CERS3: variants seen among roughly 807,000 people sequenced by gnomAD.
CERS3 encodes ceramide synthase 3, also known as LAG1 homolog, ceramide synthase 3.
Under a neutral mutation model 50.3 loss-of-function variants are expected in CERS3, and 33 were observed. The observed-to-expected ratio is 0.66, with a 90% CI of 0.50 to 0.88. CERS3 has a LOEUF of 0.88. CERS3 is among the 40% of genes least tolerant of loss of function. CERS3 has a pLI of 0.00. For missense variants in CERS3, 470 were observed against 460.3 expected (o/e 1.02, Z -0.19); for synonymous variants, 176 against 155.2 (o/e 1.13, Z -0.99).
chr15:100,458,431 T>C (rs897657777), intron 10 of CERS3, among the ~76,000 whole-genome samples: 9 of 151,718 alleles, frequency 5.9e-5, no homozygotes, highest in African/African-American at 2.2e-4. Context: ...CTAAAAAATA[T>C]AAAAATTAGC....
At chr15:100,531,511 G>A (rs528723642), upstream of CERS3, among the ~76,000 whole-genome samples, 57 of 152,050 alleles carry the variant, frequency 3.7e-4, no homozygotes, top group African/African-American at 1.3e-3. Context: ...GCTCCTCTGA[G>A]GAAAATAACC....
intron 11 of CERS3, among the ~76,000 whole-genome samples, chr15:100,451,178 A>G (rs1419154413): frequency 6.6e-6 from 1 of 152,216 alleles, no homozygotes; most frequent in Non-Finnish European, 1.5e-5. Context: ...ACCACTGCAG[A>G]AAACCACCAA....
At chr15:100,516,881 C>G (rs1371278212) in intron 2 of CERS3, among the ~76,000 whole-genome samples, 1 of 152,232 alleles carries the variant, frequency 6.6e-6, no homozygotes, top group Non-Finnish European at 1.5e-5. Flanking sequence ...AGATCTCCCT[C>G]CCAACCTCAG....
chr15:100,443,306 A>G (rs1360133952), intron 11 of CERS3, among the ~76,000 whole-genome samples: 745 of 147,002 alleles, frequency 5.1e-3, no homozygotes, highest in African/African-American at 0.019. Context: ...TGCTTTGAAA[A>G]GACTAAAGCC....
intron 11 of CERS3, among the ~76,000 whole-genome samples, chr15:100,444,726 T>C (rs1172858656): frequency 6.6e-6 from 1 of 152,142 alleles, no homozygotes; most frequent in African/African-American, 2.4e-5. Flanking sequence ...ACTGGCAAAT[T>C]AGCTTTACTC....
chr15:100,460,279 G>A (rs985392152), intron 10 of CERS3, among the ~76,000 whole-genome samples: 2 of 152,082 alleles, frequency 1.3e-5, no homozygotes, highest in Non-Finnish European at 2.9e-5. Flanking sequence ...TAAAATGCGA[G>A]CAGAGAGTAC....
intron 2 of CERS3, among the ~76,000 whole-genome samples, chr15:100,516,649 A>C (rs540091270): frequency 6.6e-6 from 1 of 152,180 alleles, no homozygotes; most frequent in African/African-American, 2.4e-5. Context: ...AAATGGGAGA[A>C]CCTCCTGTGG....
chr15:100,489,537 G>A (rs1434015041), intron 4 of CERS3, among the ~76,000 whole-genome samples: 1 of 152,172 alleles, frequency 6.6e-6, no homozygotes, highest in Non-Finnish European at 1.5e-5. Context: ...TGGTATTATA[G>A]CACTGTTCTT....
chr15:100,489,019 C>T (rs1191455551), intron 4 of CERS3, among the ~76,000 whole-genome samples: 1 of 152,222 alleles, frequency 6.6e-6, no homozygotes, highest in African/African-American at 2.4e-5. Flanking sequence ...TCGTGATCCA[C>T]CCACCTTGGG....
At chr15:100,531,870 C>T (rs932722286), upstream of CERS3, among the ~76,000 whole-genome samples, 2 of 152,148 alleles carry the variant, frequency 1.3e-5, no homozygotes, top group Non-Finnish European at 2.9e-5. Flanking sequence ...AAAAAGTGAA[C>T]GTCGGACCTC....
At chr15:100,407,510 A>G (rs902755041) in intron 11 of CERS3, among the ~76,000 whole-genome samples, 2 of 152,268 alleles carry the variant, frequency 1.3e-5, no homozygotes, top group Admixed American at 1.3e-4. Context: ...ATCCAAGCCT[A>G]GAATCTGACT....
intron 2 of CERS3, chr15:100,503,624 C>G (rs1217367329): frequency 4.3e-6 from 2 of 461,226 alleles, no homozygotes; most frequent in Non-Finnish European, 9.0e-6. Flanking sequence ...TCTAGGCAGA[C>G]ACAGCTCTAC....
intron 10 of CERS3, 102 bp from the exon 11 acceptor site, chr15:100,456,148 C>T (rs1567630609): frequency 9.3e-6 from 7 of 754,002 alleles, no homozygotes; most frequent in South Asian, 4.1e-5. Flanking sequence ...ACATGTATTT[C>T]GTTTCTAATA....
chr15:100,474,602 A>C (rs1424983017), intron 8 of CERS3, among the ~76,000 whole-genome samples: 1 of 152,138 alleles, frequency 6.6e-6, no homozygotes, highest in Admixed American at 6.5e-5. Context: ...ACAGGATTTC[A>C]CCATGTTGGC....
chr15:100,466,853 C>CTCTCTCTCTCTT (rs1555528101), intron 10 of CERS3, among the ~76,000 whole-genome samples: 6 of 104,592 alleles, frequency 5.7e-5, no homozygotes, highest in Non-Finnish European at 1.3e-4. Context: ...CTCTCTTTCT[C>CTCTCTCTCTCTT]TCTTTCTTTC....
chr15:100,536,390 T>C (rs2037075909), intron 1 of CERS3, among the ~76,000 whole-genome samples: 1 of 152,140 alleles, frequency 6.6e-6, no homozygotes, highest in African/African-American at 2.4e-5. Flanking sequence ...GCTCAAGGGA[T>C]CCTCCTACTT....
chr15:100,429,782 T>C (rs74038784), intron 11 of CERS3, among the ~76,000 whole-genome samples: 93 of 152,262 alleles, frequency 6.1e-4, no homozygotes, highest in African/African-American at 2.0e-3. Flanking sequence ...TCCACAGCCA[T>C]CACCCCGTAT....
At position 100,492,019 on chromosome 15, in the gene CERS3, C is replaced by T. The variant is rs556920985; in HGVS notation, c.174-1088G>A. ...GGGATTACAGACATGAGCCACTGTG[C>T]CTGGCTGTTATTGATTTCTAATTTT... On this transcript the variant is annotated intron_variant, in intron 3 of 11. Coordinates refer to ENST00000679737, the MANE Select transcript of CERS3 (RefSeq NM_001378789.1). Among the ~76,000 whole-genome samples, 7 of 152,118 alleles carry T rather than the reference C, an allele frequency of 4.6e-5. No homozygotes were observed. The East Asian group carries it at 9.7e-4, about 21-fold the overall frequency.
intron 7 of CERS3, among the ~76,000 whole-genome samples, chr15:100,478,087 G>A (rs1179104087): frequency 6.6e-6 from 1 of 152,172 alleles, no homozygotes; most frequent in Non-Finnish European, 1.5e-5. Context: ...TCCACAGGTG[G>A]TCAAGAGATG....
Sources: allele counts gnomAD v4.1 joint callset (sites outside exome capture counted in the v4.1 genomes callset), GRCh38; gene constraint gnomAD v4.1.1; transcripts MANE v1.5; gene names NCBI Gene and HGNC (gene_info 2026-07-23, HGNC 2026-07-21).